The following GABRB2 variants were observed in gnomAD, a reference collection of about 807,000 sequenced individuals.
The protein encoded by GABRB2 is gamma-aminobutyric acid type A receptor subunit beta2.
A neutral mutation model predicts 54.7 loss-of-function variants in GABRB2; 16 were observed. The observed-to-expected ratio is 0.29, with a 90% CI of 0.20 to 0.44. GABRB2 has a LOEUF of 0.44. GABRB2 is among the 20% of genes least tolerant of loss of function. The pLI, the probability that GABRB2 is intolerant of heterozygous loss-of-function variation, is 1.00. For synonymous variants in GABRB2, 244 were observed against 233.8 expected (o/e 1.04, Z -0.40); for missense variants, 355 against 644.0 (o/e 0.55, Z 4.86).
At chr5:161,327,377 C>T (rs1644436) in intron 8 of GABRB2, among the ~76,000 whole-genome samples, 49,707 of 151,824 alleles carry the variant, frequency 0.33, 8,842 homozygotes, top group African/African-American at 0.47. Context: ...TTGTTTTTTA[C>T]TTTTATTTTT....
chr5:161,508,364 A>T (rs1759670153), intron 3 of GABRB2, among the ~76,000 whole-genome samples: 1 of 149,850 alleles, frequency 6.7e-6, no homozygotes, highest in African/African-American at 2.5e-5. Context: ...AGTGATAAGC[A>T]TATTAAGACA....
rs1258780180 is a variant in GABRB2, at chr5:161,391,685, G to A, written c.541+19290C>T. 2.6e-5 allele frequency among the ~76,000 whole-genome samples: 4 copies of A among 152,110 alleles called. No homozygotes were observed. In the South Asian group the frequency reaches 8.3e-4, roughly 32 times the overall value. ...AATGTCTTTATCTTTCTTTCTATAT[G>A]CAAAATGTAAGTAAACATGTTTCAT... is the stretch of plus-strand genomic sequence containing the variant. On this transcript the variant is annotated intron_variant, in intron 5 of 9. Coordinates refer to ENST00000393959, the MANE Select transcript of GABRB2 (RefSeq NM_001371727.1).
Position 161,302,675 on chromosome 5 carries a change from C to T in GABRB2, c.1192-8247G>A, listed in dbSNP as rs187363867. 1.2e-3 allele frequency among the ~76,000 whole-genome samples: 189 copies of T among 152,272 alleles called. 1 individual carries two copies. Among genetic ancestry groups the T allele is most frequent in the Non-Finnish European group, 2.4e-3 (166 of 68,012 alleles). On this transcript the variant is annotated intron_variant, in intron 9 of 9. Transcript: ENST00000393959. ...GGTAGAGGAGATGGTGTTTTATCTT[C>T]CATGAAATGGCACTGTGACCCAAGT...
chr5:161,329,113 T>G (rs1753752816), intron 8 of GABRB2, among the ~76,000 whole-genome samples: 1 of 152,160 alleles, frequency 6.6e-6, no homozygotes, highest in Admixed American at 6.5e-5. Context: ...CTTTATCATT[T>G]AAATGCAAAT....
At chr5:161,467,136 C>A (rs1268311903) in intron 3 of GABRB2, among the ~76,000 whole-genome samples, 1 of 151,948 alleles carries the variant, frequency 6.6e-6, no homozygotes, top group Non-Finnish European at 1.5e-5. Flanking sequence ...TGAAAATTAC[C>A]ATTACTGAAC....
chr5:161,461,445 T>C (rs1758115537), intron 3 of GABRB2, among the ~76,000 whole-genome samples: 1 of 152,154 alleles, frequency 6.6e-6, no homozygotes, highest in African/African-American at 2.4e-5. Context: ...CTTCTTTTAG[T>C]TTCAGTTCCA....
intron 5 of GABRB2, among the ~76,000 whole-genome samples, chr5:161,359,360 C>T (rs758178163): frequency 4.9e-4 from 74 of 151,700 alleles, no homozygotes; most frequent in Non-Finnish European, 3.7e-4. Context: ...TTCTATAAAC[C>T]TAAATTTTTT....
At chr5:161,528,516 A>G (rs1760353550) in intron 3 of GABRB2, among the ~76,000 whole-genome samples, 2 of 151,860 alleles carry the variant, frequency 1.3e-5, no homozygotes, top group Admixed American at 6.6e-5. Flanking sequence ...AAATTTGTAC[A>G]GGTTTAAATA....
chr5:161,447,515 A>G (rs4498288), intron 4 of GABRB2, among the ~76,000 whole-genome samples: 2,992 of 152,282 alleles, frequency 0.02, 40 homozygotes, highest in Middle Eastern at 0.078. Context: ...ATGGTCATTT[A>G]GCATTTTGTT....
chr5:161,388,081 G>A (rs1010826538), intron 5 of GABRB2, among the ~76,000 whole-genome samples: 1 of 152,074 alleles, frequency 6.6e-6, no homozygotes, highest in African/African-American at 2.4e-5. Flanking sequence ...GTTGCTCTTA[G>A]TTCACTTGAA....
chr5:161,325,373 C>G (rs1399234364), intron 9 of GABRB2, among the ~76,000 whole-genome samples: 2 of 152,076 alleles, frequency 1.3e-5, no homozygotes, highest in Non-Finnish European at 2.9e-5. Flanking sequence ...ATTTACTAGA[C>G]TTTATTACTA....
At chr5:161,445,926 T>A (rs1052728683) in intron 4 of GABRB2, among the ~76,000 whole-genome samples, 3 of 152,176 alleles carry the variant, frequency 2.0e-5, no homozygotes, top group Admixed American at 1.3e-4. Flanking sequence ...ATAACTCATA[T>A]GTGGTGCAGA....
chr5:161,338,441 G>T (rs900332026), intron 5 of GABRB2, among the ~76,000 whole-genome samples: 1 of 152,058 alleles, frequency 6.6e-6, no homozygotes, highest in Non-Finnish European at 1.5e-5. Flanking sequence ...ATGATCTAAC[G>T]TAGAGCCATC....
intron 3 of GABRB2, among the ~76,000 whole-genome samples, chr5:161,481,072 G>A (rs551871530): frequency 1.1e-4 from 16 of 151,892 alleles, no homozygotes; most frequent in African/African-American, 2.2e-4. Flanking sequence ...AACAACAAAC[G>A]CATTTAACCA....
At chr5:161,382,317 T>A (rs889180720) in intron 5 of GABRB2, among the ~76,000 whole-genome samples, 3 of 152,140 alleles carry the variant, frequency 2.0e-5, no homozygotes, top group African/African-American at 7.2e-5. Flanking sequence ...TCAGAAACTT[T>A]CCCAAAGTTA....
rs866891459 is a variant in GABRB2 at position 161,455,544 on chromosome 5, T to C, written c.458+4080A>G. Among the ~76,000 whole-genome samples, 4 of 151,766 alleles carry C rather than the reference T, an allele frequency of 2.6e-5. 1 individual carries two copies. Among genetic ancestry groups the C allele is most frequent in the African/African-American group, 9.7e-5 (4 of 41,270 alleles). On this transcript the variant is annotated intron_variant, in intron 4 of 9. Transcript: ENST00000393959. ...TTGTTCCCCAATTTTTTTTTTTTTTTTTTTGAGACAGGGTACGGCTCTGTC... is the reference window on the plus strand; with the variant it reads ...TTGTTCCCCAATTTTTTTTTTTTTTCTTTTGAGACAGGGTACGGCTCTGTC...
rs561389606 is a variant in GABRB2, at chr5:161,311,052, G to A, written c.1191+15316C>T. On this transcript the variant is annotated intron_variant, in intron 9 of 9. Transcript: ENST00000393959. ...TGGGATTACAGGTATGAGCCACCAC[G>A]CCTGGCCGTTATCCTAAAGCAATTT... Among the ~76,000 whole-genome samples, 205 of 152,228 alleles carry A rather than the reference G, an allele frequency of 1.3e-3. 1 individual carries two copies. The highest frequency in any genetic ancestry group is 1.8e-3 in the African/African-American group (73 of 41,550).
intron 3 of GABRB2, among the ~76,000 whole-genome samples, chr5:161,469,253 T>C (rs1324568644): frequency 6.6e-6 from 1 of 151,916 alleles, no homozygotes; most frequent in Non-Finnish European, 1.5e-5. Context: ...ACATTACAAA[T>C]ATGTCTTTAT....
At chr5:161,311,699 T>G (rs1237148569) in intron 9 of GABRB2, among the ~76,000 whole-genome samples, 1 of 152,222 alleles carries the variant, frequency 6.6e-6, no homozygotes, top group Non-Finnish European at 1.5e-5. Flanking sequence ...TGCTATTTAA[T>G]TTAGTCCACA....
Sources: gnomAD v4.1 joint callset for allele counts (sites outside exome capture counted in the v4.1 genomes callset) on GRCh38, gnomAD v4.1.1 for gene constraint, MANE v1.5 for transcripts, NCBI Gene and HGNC (gene_info 2026-07-23, HGNC 2026-07-21) for gene names.